The following PSMB7 variants were observed in gnomAD, a reference collection of about 807,000 sequenced individuals.
PSMB7 encodes the protein proteasome 20S subunit beta 7.
In PSMB7, 5 loss-of-function variants were observed where a neutral mutation model predicts 28.1. The observed-to-expected ratio is 0.18, with a 90% CI of 0.09 to 0.37. The LOEUF (loss-of-function observed/expected upper bound fraction) is 0.37. Ranked by LOEUF, PSMB7 falls within the 10% of genes least tolerant of loss-of-function variation. The pLI is 1.00. For synonymous variants in PSMB7, 122 were observed against 123.7 expected, an observed-to-expected ratio of 0.99 and a Z score of 0.09; for missense variants, 275 against 346.2, an observed-to-expected ratio of 0.79 and a Z score of 1.63.
In PSMB7 at chr9:124,357,050, G is replaced by A. The variant is rs1830415660; in HGVS notation, c.571-135C>T. The A allele has an allele frequency of 2.9e-6, 3 of 1,020,772 alleles. No individual in the cohort carries two copies. In the Admixed American group the frequency reaches 8.1e-5, roughly 28 times the overall value. The allele number at this position is 1,020,772 out of a possible 1,614,324, so 63.2% of individuals were successfully genotyped here. A position where few individuals can be genotyped will look rare whatever the true frequency, so the allele number is the denominator to read the frequency against. On this transcript the variant is annotated intron_variant, in intron 6 of 7. Coordinates refer to ENST00000259457, the MANE Select transcript of PSMB7 (RefSeq NM_002799.4). ...TGTTTTTAATGCCCATCTCACAGAT[G>A]AGGAAAAGATCTCAAAGTACCTTGA...
chr9:124,411,623 T>C lies in PSMB7; in HGVS notation c.395+729A>G, dbSNP rs1235263830. Among the ~76,000 whole-genome samples, 5 of 152,164 alleles carry C rather than the reference T, an allele frequency of 3.3e-5. No individual in the cohort carries two copies. In the East Asian group the frequency reaches 9.6e-4, roughly 29 times the overall value. On this transcript the variant is annotated intron_variant, in intron 4 of 7. Coordinates refer to ENST00000259457, the MANE Select transcript of PSMB7 (RefSeq NM_002799.4). The stretch of plus-strand genomic sequence containing the variant: ...GAGAAGCAAATGAGAAAACACACTT[T>C]GAAAACTGCCAAGACCCATACAAAC...
intron 6 of PSMB7, among the ~76,000 whole-genome samples, chr9:124,359,853 G>A (rs1221973756): frequency 6.6e-6 from 1 of 152,130 alleles, no homozygotes. Context: ...CCAAGTTAGG[G>A]CAACATCTCT....
intron 6 of PSMB7, among the ~76,000 whole-genome samples, chr9:124,365,366 T>C (rs1830497491): frequency 6.6e-6 from 1 of 151,440 alleles, no homozygotes; most frequent in South Asian, 2.1e-4. Context: ...GTAATACAAG[T>C]GAAAGGTAGC....
intron 6 of PSMB7, among the ~76,000 whole-genome samples, chr9:124,372,706 G>T (rs983872579): frequency 2.0e-5 from 3 of 152,158 alleles, no homozygotes; most frequent in Non-Finnish European, 4.4e-5. Flanking sequence ...GAATGCAATG[G>T]CAAGGGTAGA....
intron 5 of PSMB7, among the ~76,000 whole-genome samples, chr9:124,388,971 G>A (rs1292308910): frequency 1.3e-5 from 2 of 152,166 alleles, no homozygotes; most frequent in Non-Finnish European, 2.9e-5. Context: ...GCAGCATTAG[G>A]AGAGACGCTT....
In PSMB7 at chr9:124,405,405, T is replaced by C; in HGVS notation, c.423A>G (p.Leu141=). 3.7e-6 allele frequency: 6 copies of C among 1,613,162 alleles called. No individual in the cohort carries two copies. Among genetic ancestry groups the C allele is most frequent in the Non-Finnish European group, 5.1e-6 (6 of 1,179,254 alleles). Residue 141 remains leucine, a synonymous_variant, in exon 5 of 8, where the codon CTA becomes CTG. Coordinates refer to ENST00000259457, the MANE Select transcript of PSMB7 (RefSeq NM_002799.4). The stretch of plus-strand genomic sequence containing the variant: ...CAGTAACATCTACTCCCCCTAAAAC[T>C]AGGGCTGCACCAATGTAACCTTGAT... ...FRYQGYIGAA[L]VLGGVDVTGP... is the part of the protein sequence containing the mutation.
At chr9:124,372,128 C>T (rs970005250) in intron 6 of PSMB7, among the ~76,000 whole-genome samples, 3 of 152,192 alleles carry the variant, frequency 2.0e-5, no homozygotes, top group Non-Finnish European at 4.4e-5. Context: ...CAATAGAATA[C>T]CTATCCCTTC....
intron 5 of PSMB7, among the ~76,000 whole-genome samples, chr9:124,386,604 T>C (rs1830722740): frequency 6.6e-6 from 1 of 151,990 alleles, no homozygotes; most frequent in African/African-American, 2.4e-5. Flanking sequence ...TCCAACAAAG[T>C]CCAAGAATAT....
At position 124,384,620 on chromosome 9, in the gene PSMB7, T is replaced by C; in HGVS notation, c.548A>G (p.Asp183Gly). Residue 183 changes from aspartate to glycine, a missense_variant, in exon 6 of 8, where the codon GAT becomes GGT. Asp to Gly is a moderately conservative substitution (Grantham distance 94). Transcript: ENST00000259457. ...TACCTCCATGTCTGGCCTAAACTTATCTTCAAATACAGCCATTGCTGCCAA... is the reference window on the plus strand; with the variant it reads ...TACCTCCATGTCTGGCCTAAACTTACCTTCAAATACAGCCATTGCTGCCAA... ...GSLAAMAVFE[D>G]KFRPDMEEEE... is the part of the protein sequence containing the mutation. 1 of 1,613,678 alleles carries C rather than the reference T, an allele frequency of 6.2e-7. No individual in the cohort carries two copies. Among genetic ancestry groups the C allele is most frequent in the Non-Finnish European group, 8.5e-7 (1 of 1,179,802 alleles).
Position 124,409,743 on chromosome 9 carries a change from T to C in PSMB7, c.395+2609A>G, listed in dbSNP as rs976580755. ...GTCAGATAGACAGAAACTATTATCCTCATTTTATTGAGAAAGAATCACCCA... is the reference window on the plus strand; with the variant it reads ...GTCAGATAGACAGAAACTATTATCCCCATTTTATTGAGAAAGAATCACCCA... On this transcript the variant is annotated intron_variant, in intron 4 of 7. Transcript: ENST00000259457. 3.3e-5 allele frequency among the ~76,000 whole-genome samples: 5 copies of C among 152,320 alleles called. 1 individual carries two copies. Among genetic ancestry groups the C allele is most frequent in the Admixed American group, 3.3e-4 (5 of 15,298 alleles).
At chr9:124,394,008 G>C (rs542998628) in intron 5 of PSMB7, among the ~76,000 whole-genome samples, 1 of 152,178 alleles carries the variant, frequency 6.6e-6, no homozygotes, top group Non-Finnish European at 1.5e-5. Context: ...CCGCAGGAAC[G>C]CAGGGCAGTG....
intron 5 of PSMB7, among the ~76,000 whole-genome samples, chr9:124,389,831 G>A (rs539634885): frequency 1.3e-5 from 2 of 152,278 alleles, no homozygotes; most frequent in South Asian, 2.1e-4. Flanking sequence ...TGCGCCCCAG[G>A]AGAAGGAGTC....
chr9:124,387,488 T>TACAC (rs937848274), intron 5 of PSMB7, among the ~76,000 whole-genome samples: 2 of 149,586 alleles, frequency 1.3e-5, no homozygotes, highest in Admixed American at 6.6e-5. Flanking sequence ...AATACATACA[T>TACAC]ACACACACAC....
intron 5 of PSMB7, among the ~76,000 whole-genome samples, chr9:124,400,120 C>T (rs1403742327): frequency 6.6e-6 from 1 of 152,210 alleles, no homozygotes; most frequent in East Asian, 1.9e-4. Context: ...CCACTCACTG[C>T]TCCTGCCGCA....
intron 6 of PSMB7, among the ~76,000 whole-genome samples, chr9:124,369,743 G>A (rs545165606): frequency 2.6e-5 from 4 of 152,184 alleles, no homozygotes; most frequent in Admixed American, 2.6e-4. Flanking sequence ...TGTCCGGAAT[G>A]GTCTCCTTCT....
chr9:124,365,165 C>T (rs141039498), intron 6 of PSMB7, among the ~76,000 whole-genome samples: 1 of 152,350 alleles, frequency 6.6e-6, no homozygotes, highest in Non-Finnish European at 1.5e-5. Context: ...ACACCGCACA[C>T]GCTGTGCTGA....
intron 6 of PSMB7, among the ~76,000 whole-genome samples, chr9:124,364,896 G>C (rs1830492594): frequency 6.6e-6 from 1 of 152,152 alleles, no homozygotes; most frequent in Non-Finnish European, 1.5e-5. Flanking sequence ...CCAACATCTG[G>C]ATAGGACAAA....
chr9:124,414,960 T>C, intron 1 of PSMB7, 25 bp from the exon 2 acceptor site: 1 of 1,528,740 alleles, frequency 6.5e-7, no homozygotes, highest in South Asian at 1.1e-5. Flanking sequence ...GAGAATCAAG[T>C]GTTGAAGGGC....
chr9:124,363,595 T>G (rs1830482091), intron 6 of PSMB7, among the ~76,000 whole-genome samples: 1 of 152,180 alleles, frequency 6.6e-6, no homozygotes, highest in African/African-American at 2.4e-5. Context: ...ACCTAGGAAT[T>G]CAGCAGAGCC....
Sources: gnomAD v4.1 joint callset for allele counts (sites outside exome capture counted in the v4.1 genomes callset) on GRCh38, gnomAD v4.1.1 for gene constraint, MANE v1.5 for transcripts, NCBI Gene and HGNC (gene_info 2026-07-23, HGNC 2026-07-21) for gene names.